The following PUS7 variants were observed in gnomAD, a reference collection of about 807,000 sequenced individuals.
PUS7 encodes the protein pseudouridylate synthase 7 homolog.
In PUS7, 48 loss-of-function variants were observed where a neutral mutation model predicts 79.8. The ratio of observed to expected loss-of-function variants is 0.60; its 90% CI spans 0.48 to 0.76. PUS7 has a LOEUF of 0.76. PUS7 is among the 30% of genes least tolerant of loss of function. The probability of loss-of-function intolerance (pLI) is 0.00; values close to 1 mark genes in which losing one functional copy is unlikely to be tolerated. For synonymous variants in PUS7, 286 were observed against 272.2 expected (o/e 1.05, Z -0.50); for missense variants, 729 against 797.6 (o/e 0.91, Z 1.04).
chr7:105,499,496 A>G (rs1039110868), intron 5 of PUS7, among the ~76,000 whole-genome samples: 10 of 152,200 alleles, frequency 6.6e-5, no homozygotes, highest in Non-Finnish European at 7.3e-5. Context: ...TGGAATGTAT[A>G]CTGTCTCAAA....
chr7:105,518,427 G>A (rs776772283), intron 1 of PUS7, among the ~76,000 whole-genome samples: 18 of 151,994 alleles, frequency 1.2e-4, no homozygotes, highest in Non-Finnish European at 2.5e-4. Flanking sequence ...TTTTGAGACA[G>A]TGTCTCACTC....
Position 105,456,658 on chromosome 7 carries a change from A to G in PUS7, c.*1132T>C, listed in dbSNP as rs1295529760. 1.3e-5 allele frequency: 2 copies of G among 152,238 alleles called. No individual in the cohort carries two copies. Among genetic ancestry groups the G allele is most frequent in the African/African-American group, 4.8e-5 (2 of 41,468 alleles). 9.4% of individuals were successfully genotyped at this position (152,238 alleles called of 1,614,324 possible). A position where few individuals can be genotyped will look rare whatever the true frequency, so the allele number is the denominator to read the frequency against. On this transcript the variant is annotated 3_prime_UTR_variant, in exon 16 of 16. Transcript: ENST00000469408. Reference sequence around the variant, plus strand: ...TAGAAAGGCATATTTATCCTTTCACACCAGAGAAGTTTATGCAATGCCAGA... The same window carrying G: ...TAGAAAGGCATATTTATCCTTTCACGCCAGAGAAGTTTATGCAATGCCAGA...
intron 1 of PUS7, among the ~76,000 whole-genome samples, chr7:105,516,049 T>C (rs1432030291): frequency 6.6e-6 from 1 of 151,936 alleles, no homozygotes; most frequent in East Asian, 1.9e-4. Flanking sequence ...GACCTGGTGA[T>C]CCGCCCACCT....
intron 13 of PUS7, among the ~76,000 whole-genome samples, chr7:105,463,531 A>AT (rs1335259017): frequency 2.0e-5 from 3 of 152,256 alleles, no homozygotes; most frequent in East Asian, 3.9e-4. Context: ...AACTCCAGAT[A>AT]TTTTAAGCTT....
chr7:105,468,382 C>T lies in PUS7; in HGVS notation c.1480G>A (p.Asp494Asn). ...WNNMVSKRIE[D>N]YGLKPVPGDL... The stretch of plus-strand genomic sequence containing the variant: ...CCTGGAACAGGTTTTAGTCCATAGT[C>T]TTCTATCCTCTTGCTTACCATGTTA... Residue 494 changes from aspartate to asparagine, a missense_variant, in exon 12 of 16, where the codon GAC becomes AAC. Asp to Asn is a conservative substitution (Grantham distance 23). Coordinates refer to ENST00000469408, the MANE Select transcript of PUS7 (RefSeq NM_019042.5). 1.2e-6 allele frequency: 2 copies of T among 1,613,874 alleles called. No homozygotes were observed. Among genetic ancestry groups the T allele is most frequent in the Non-Finnish European group, 1.7e-6 (2 of 1,179,884 alleles).
At chr7:105,500,476 T>C (rs892189703) in intron 5 of PUS7, among the ~76,000 whole-genome samples, 3 of 152,138 alleles carry the variant, frequency 2.0e-5, no homozygotes, top group Admixed American at 1.3e-4. Flanking sequence ...TAAGAAATGA[T>C]TATCACTTCC....
intron 2 of PUS7, among the ~76,000 whole-genome samples, 155 bp downstream of exon 2, chr7:105,507,956 CTATT>C (rs1326968646): frequency 6.6e-6 from 1 of 152,106 alleles, no homozygotes; most frequent in African/African-American, 2.4e-5. Context: ...AAATCCAAGG[CTATT>C]TATTCAGGCA....
chr7:105,462,832 T>C (rs899185444), intron 13 of PUS7, 82 bp from the exon 14 acceptor site: 50 of 1,346,192 alleles, frequency 3.7e-5, no homozygotes, highest in Non-Finnish European at 4.8e-5. Context: ...AGAGTAACAA[T>C]GTAAGTTCAG....
chr7:105,491,548 A>G lies in PUS7; in HGVS notation c.912T>C (p.Ala304=). The G allele has an allele frequency of 6.3e-7, 1 of 1,586,358 alleles. No homozygotes were observed. The highest frequency in any genetic ancestry group is 8.6e-7 in the Non-Finnish European group (1 of 1,156,242). ...DKRAITVQEI[A]VLKITAQRLA... ...ACGTGCTCTCTACTTACTTGAGAAC[A>G]GCAATTTCTTGAACTGTTATAGCCC... The change falls in exon 7 of 16, where the codon GCT becomes GCC. Residue 304 remains alanine (A), a synonymous_variant. Transcript: ENST00000469408.
chr7:105,475,436 T>G lies in PUS7; in HGVS notation c.1176-3243A>C, dbSNP rs761496171. The stretch of plus-strand genomic sequence containing the variant: ...TCCTGACCTTGTGATCTGCCCCCCT[T>G]GGCCTCCTGGAGTGCTGGGATTACA... On this transcript the variant is annotated intron_variant, in intron 9 of 15. Transcript: ENST00000469408. Among the ~76,000 whole-genome samples the G allele has an allele frequency of 3.9e-5, 6 of 151,938 alleles. No homozygotes were observed. In the East Asian group the frequency reaches 1.2e-3, roughly 29 times the overall value.
chr7:105,518,467 A>T (rs1825978531), intron 1 of PUS7, among the ~76,000 whole-genome samples: 1 of 151,642 alleles, frequency 6.6e-6, no homozygotes, highest in African/African-American at 2.4e-5. Flanking sequence ...CAGTGGCGTG[A>T]TCTCAGTTCA....
At chr7:105,468,302 G>T in intron 12 of PUS7, 35 bp downstream of exon 12, 1 of 1,601,346 alleles carries the variant, frequency 6.2e-7, no homozygotes, top group Non-Finnish European at 8.5e-7. Flanking sequence ...CTGAACCCTA[G>T]CTTAGCTGAG....
chr7:105,495,176 T>C lies in PUS7; in HGVS notation c.808A>G (p.Met270Val). The part of the protein sequence containing the change: ...FVLYKENKDT[M>V]DAINVLSKYL... ...TTGGAGAGTACATTAATAGCATCCA[T>C]GGTGTCTTTGTTTTCCTTATATAGT... is the stretch of plus-strand genomic sequence containing the variant. The change falls in exon 6 of 16, where the codon ATG becomes GTG. Residue 270 changes from methionine to valine, a missense_variant. By Grantham distance (21) the Met-to-Val change is conservative. Transcript: ENST00000469408. The C allele has an allele frequency of 1.2e-6, 2 of 1,611,604 alleles. No individual in the cohort carries two copies. The highest frequency in any genetic ancestry group is 1.7e-6 in the Non-Finnish European group (2 of 1,178,392).
intron 1 of PUS7, among the ~76,000 whole-genome samples, chr7:105,511,374 T>C (rs934563402): frequency 2.0e-5 from 3 of 151,598 alleles, no homozygotes; most frequent in Non-Finnish European, 4.4e-5. Flanking sequence ...CATAACATCT[T>C]TTGCCACCTA....
chr7:105,465,318 T>A lies in PUS7; in HGVS notation c.1622A>T (p.His541Leu). 1 of 1,603,566 alleles carries A rather than the reference T, an allele frequency of 6.2e-7. No homozygotes were observed. The highest frequency in any genetic ancestry group is 8.5e-7 in the Non-Finnish European group (1 of 1,171,378). The change falls in exon 13 of 16, where the codon CAT becomes CTT. Residue 541 changes from histidine to leucine, a missense_variant. His to Leu is a moderately conservative substitution (Grantham distance 99, BLOSUM62 -3). Transcript: ENST00000469408. ...LPGFDVIYPK[H>L]KIQEAYREML... ...TCCCCATACAGGGAACTTACTTTTA[T>A]GCTTTGGGTAGATAACATCGAAACC... is the stretch of plus-strand genomic sequence containing the variant.
At chr7:105,475,676 T>C (rs1469150056) in intron 9 of PUS7, among the ~76,000 whole-genome samples, 1 of 152,170 alleles carries the variant, frequency 6.6e-6, no homozygotes, top group Non-Finnish European at 1.5e-5. Flanking sequence ...TCTTTTATTT[T>C]ATTGTGGTAA....
intron 7 of PUS7, among the ~76,000 whole-genome samples, chr7:105,487,897 T>C (rs532756812): frequency 6.6e-6 from 1 of 152,308 alleles, no homozygotes; most frequent in Admixed American, 6.5e-5. Context: ...GACGTGCTGC[T>C]TATCCCCAGG....
At chr7:105,510,643 G>A (rs931489793) in intron 1 of PUS7, among the ~76,000 whole-genome samples, 6 of 151,844 alleles carry the variant, frequency 4.0e-5, no homozygotes, top group African/African-American at 1.5e-4. Flanking sequence ...CCTCCCGGGT[G>A]GCTGGGATCA....
chr7:105,465,913 T>C (rs983043215), intron 12 of PUS7, among the ~76,000 whole-genome samples: 3 of 152,106 alleles, frequency 2.0e-5, no homozygotes, highest in Non-Finnish European at 2.9e-5. Context: ...ATCCCAGCAC[T>C]CTGGGATGCT....
Sources: gnomAD v4.1 joint callset for allele counts (sites outside exome capture counted in the v4.1 genomes callset) on GRCh38, gnomAD v4.1.1 for gene constraint, MANE v1.5 for transcripts, NCBI Gene and HGNC (gene_info 2026-07-23, HGNC 2026-07-21) for gene names.